The following RGS12 variants were observed in gnomAD, a reference collection of about 807,000 sequenced individuals.
RGS12 encodes regulator of G protein signaling 12, also known as regulator of G-protein signaling 12.
Under a neutral mutation model 120.1 loss-of-function variants are expected in RGS12, and 66 were observed. The ratio of observed to expected loss-of-function variants is 0.55; its 90% CI spans 0.45 to 0.67. The LOEUF (loss-of-function observed/expected upper bound fraction) is 0.67. RGS12 is among the 30% of genes least tolerant of loss of function. The pLI is 0.00. For missense variants in RGS12, 1,859 were observed against 1,957.7 expected (o/e 0.95, Z 0.95); for synonymous variants, 827 against 804.7 (o/e 1.03, Z -0.47).
chr4:3,335,767 A>G (rs921348907), intron 2 of RGS12, among the ~76,000 whole-genome samples: 1 of 152,050 alleles, frequency 6.6e-6, no homozygotes, highest in Non-Finnish European at 1.5e-5. Context: ...AGCCTGGGAG[A>G]TAGAATGAGA....
At chr4:3,353,020 G>A (rs944900132) in intron 3 of RGS12, among the ~76,000 whole-genome samples, 4 of 152,216 alleles carry the variant, frequency 2.6e-5, no homozygotes, top group Non-Finnish European at 5.9e-5. Context: ...AGGCCACTGA[G>A]TCTCTCTAGG....
chr4:3,399,919 G>A (rs1720410722), intron 4 of RGS12, among the ~76,000 whole-genome samples: 1 of 152,236 alleles, frequency 6.6e-6, no homozygotes, highest in Admixed American at 6.5e-5. Flanking sequence ...TCCTAAATGG[G>A]GCACTGCAGG....
At chr4:3,297,612 C>T (rs1227721196) in intron 1 of RGS12, among the ~76,000 whole-genome samples, 2 of 152,330 alleles carry the variant, frequency 1.3e-5, no homozygotes, top group Non-Finnish European at 2.9e-5. Context: ...CAGGTCCTCT[C>T]GCACAGCCCT....
intron 1 of RGS12, among the ~76,000 whole-genome samples, chr4:3,294,940 C>T (rs1035575443): frequency 6.6e-6 from 1 of 152,036 alleles, no homozygotes; most frequent in African/African-American, 2.4e-5. Flanking sequence ...CAGGAGAGGG[C>T]AGGGGTGGCG....
At chr4:3,311,903 G>T (rs1352533036) in intron 1 of RGS12, among the ~76,000 whole-genome samples, 3 of 152,232 alleles carry the variant, frequency 2.0e-5, no homozygotes, top group Non-Finnish European at 4.4e-5. Flanking sequence ...GGCGAGTGGG[G>T]ACCTTCGTGT....
chr4:3,317,655 C>T lies in RGS12; in HGVS notation c.1485C>T (p.Phe495=). The T allele has an allele frequency of 6.2e-7, 1 of 1,601,484 alleles. No individual in the cohort carries two copies. The highest frequency in any genetic ancestry group is 1.7e-4 in the Middle Eastern group (1 of 6,010). The change falls in exon 2 of 18, where the codon TTC becomes TTT. Residue 495 remains phenylalanine, a synonymous_variant. Transcript: ENST00000336727. ...AGGCCGCTCATCAGACTGACAGGTT[C>T]TGGGACCTAAACAAGCACCTAGGGC... ...PFEAAHQTDR[F]WDLNKHLGPA...
In RGS12 at chr4:3,317,510, C is replaced by T. The variant is rs753058839; in HGVS notation, c.1340C>T (p.Ser447Leu). The change falls in exon 2 of 18, where the codon TCG becomes TTG. Residue 447 changes from serine (S) to leucine (L), a missense_variant. Ser to Leu is a moderately radical substitution (Grantham distance 145). Around this residue, in one of 3 missense-constraint regions of RGS12, gnomAD observed 967 missense variants for 994.2 expected, o/e 0.97. Coordinates refer to ENST00000336727, the MANE Select transcript of RGS12 (RefSeq NM_001394154.1). Reference sequence around the variant, plus strand: ...CTTGTGGTGGACCTGGGTGGGAGCTCGAGCAGACACGGCCCCGGAGGCAGC... The same window carrying T: ...CTTGTGGTGGACCTGGGTGGGAGCTTGAGCAGACACGGCCCCGGAGGCAGC... ...RVLVVDLGGS[S>L]SRHGPGGSAW... 2.2e-5 allele frequency: 35 copies of T among 1,612,572 alleles called. No homozygotes were observed. The East Asian group carries it at 5.1e-4, about 24-fold the overall frequency.
intron 17 of RGS12, among the ~76,000 whole-genome samples, chr4:3,434,510 C>T (rs73792071): frequency 0.012 from 1,886 of 152,188 alleles, 46 homozygotes; most frequent in African/African-American, 0.043. Context: ...ATCTGTGTCT[C>T]GACACAGGGA....
At chr4:3,414,650 C>T in intron 5 of RGS12, 102 bp from the exon 6 acceptor site, 1 of 832,644 alleles carries the variant, frequency 1.2e-6, no homozygotes, top group Non-Finnish European at 2.0e-6. Flanking sequence ...CCTCGGGCAG[C>T]TCACTGAGCA....
At chr4:3,401,401 TAGTC>T (rs1720566285) in intron 4 of RGS12, among the ~76,000 whole-genome samples, 1 of 152,242 alleles carries the variant, frequency 6.6e-6, no homozygotes, top group African/African-American at 2.4e-5. Context: ...GCAATCCACT[TAGTC>T]AGACGATGTT....
chr4:3,348,007 T>C (rs1713981600), intron 3 of RGS12, among the ~76,000 whole-genome samples: 1 of 152,246 alleles, frequency 6.6e-6, no homozygotes, highest in Non-Finnish European at 1.5e-5. Context: ...CAGATAAGCC[T>C]AATCATTTAC....
In RGS12 at chr4:3,366,960, C is replaced by T. The variant is rs1716373864; in HGVS notation, c.1999-19456C>T. Reference sequence around the variant, plus strand: ...GGGTCCTCACCTCTGCCCGGCTCAGCTCCTCCCCGCCCAGAATGCCCTCTG... The same window carrying T: ...GGGTCCTCACCTCTGCCCGGCTCAGTTCCTCCCCGCCCAGAATGCCCTCTG... On this transcript the variant is annotated intron_variant, in intron 3 of 17. Coordinates refer to ENST00000336727, the MANE Select transcript of RGS12 (RefSeq NM_001394154.1). The surrounding 1 kb of genome is among the most constrained non-coding windows in gnomAD (Gnocchi z 4.0). Among the ~76,000 whole-genome samples, 1 of 152,218 alleles carries T rather than the reference C, an allele frequency of 6.6e-6. No homozygotes were observed. Among genetic ancestry groups the T allele is most frequent in the African/African-American group, 2.4e-5 (1 of 41,470 alleles).
intron 1 of RGS12, among the ~76,000 whole-genome samples, chr4:3,310,275 C>T (rs34870791): frequency 9.4e-4 from 120 of 127,454 alleles, no homozygotes; most frequent in African/African-American, 3.8e-3. Context: ...TGAGGGGAAC[C>T]GTGTCGGGGA....
intron 3 of RGS12, among the ~76,000 whole-genome samples, chr4:3,373,903 C>T (rs553180642): frequency 3.7e-4 from 57 of 152,312 alleles, no homozygotes; most frequent in African/African-American, 1.3e-3. Flanking sequence ...TAATACATTT[C>T]TATTTTCACC....
chr4:3,290,966 G>A (rs866703834), upstream of RGS12, among the ~76,000 whole-genome samples: 272 of 152,310 alleles, frequency 1.8e-3, 4 homozygotes, highest in Middle Eastern at 3.4e-3. Context: ...TGGCTTTCAC[G>A]GGGATGGACT....
chr4:3,400,589 G>A (rs969292853), intron 4 of RGS12, among the ~76,000 whole-genome samples: 14 of 149,450 alleles, frequency 9.4e-5, no homozygotes, highest in Non-Finnish European at 1.5e-4. Context: ...ATACATGAAT[G>A]TACTCTATTA....
chr4:3,410,788 T>A (rs535558732), intron 4 of RGS12, among the ~76,000 whole-genome samples: 5 of 152,212 alleles, frequency 3.3e-5, no homozygotes, highest in Admixed American at 2.6e-4. Flanking sequence ...AACCTACGAG[T>A]GTCCGGGGGC....
intron 13 of RGS12, among the ~76,000 whole-genome samples, chr4:3,425,089 A>G (rs1342218328): frequency 6.6e-6 from 1 of 152,166 alleles, no homozygotes; most frequent in Non-Finnish European, 1.5e-5. Context: ...ACCTGGTCCT[A>G]AAGTTGTCTG....
intron 3 of RGS12, among the ~76,000 whole-genome samples, chr4:3,361,839 C>T (rs967610944): frequency 2.6e-5 from 4 of 152,152 alleles, no homozygotes; most frequent in East Asian, 3.8e-4. Context: ...AAAGTGTTGG[C>T]GAAATGTCTT....
Sources: gnomAD v4.1 joint callset for allele counts (sites outside exome capture counted in the v4.1 genomes callset) on GRCh38, gnomAD v4.1.1 for gene constraint, gnomAD v4.1.1 regional missense constraint, Gnocchi (gnomAD v3.1) non-coding constraint, MANE v1.5 for transcripts, NCBI Gene and HGNC (gene_info 2026-07-23, HGNC 2026-07-21) for gene names.